Variants in ZBTB40 observed in about 807,000 individuals in gnomAD.
The protein encoded by ZBTB40 is zinc finger and BTB domain containing 40, also known as zinc finger and BTB domain-containing protein 40.
Under a neutral mutation model 117.5 loss-of-function variants are expected in ZBTB40, and 60 were observed. The ratio of observed to expected loss-of-function variants is 0.51; its 90% CI spans 0.41 to 0.63. The LOEUF (loss-of-function observed/expected upper bound fraction) is 0.63. Among genes scored for constraint, ZBTB40 ranks in the 30% least tolerant of loss-of-function variants. The pLI is 0.00. For synonymous variants in ZBTB40, 525 were observed against 577.1 expected (o/e 0.91, Z 1.29); for missense variants, 1,287 against 1,498.5 (o/e 0.86, Z 2.33).
intron 1 of ZBTB40, among the ~76,000 whole-genome samples, chr1:22,456,225 T>C (rs561869879): frequency 1.3e-5 from 2 of 152,210 alleles, no homozygotes; most frequent in South Asian, 2.1e-4. Context: ...TAGCAGAGAG[T>C]GCAGTATTTC....
At position 22,513,872 on chromosome 1, in the gene ZBTB40, G is replaced by A. The variant is rs565481743; in HGVS notation, c.2668+742G>A. 6.6e-6 allele frequency among the ~76,000 whole-genome samples: 1 copy of A among 152,288 alleles called. No individual in the cohort carries two copies. The highest frequency in any genetic ancestry group is 1.9e-4 in the East Asian group (1 of 5,180). ...TTAGGTCTTGTGGAAAAGTCATTGT[G>A]GTTTTTGCCATTAAAAGTTATAGAG... On this transcript the variant is annotated intron_variant, in intron 12 of 17. Coordinates refer to ENST00000375647, the MANE Select transcript of ZBTB40 (RefSeq NM_014870.4). The surrounding 1 kb of genome is among the most constrained non-coding windows in gnomAD (Gnocchi z 4.9).
intron 13 of ZBTB40, among the ~76,000 whole-genome samples, chr1:22,518,917 T>G (rs965542430): frequency 2.0e-5 from 3 of 152,216 alleles, no homozygotes; most frequent in African/African-American, 7.2e-5. Flanking sequence ...CGTTATTAAC[T>G]TTCAGAAGGG....
Position 22,502,409 on chromosome 1 carries a change from A to C in ZBTB40, c.1135A>C (p.Lys379Gln). 1 of 1,614,130 alleles carries C rather than the reference A, an allele frequency of 6.2e-7. No homozygotes were observed. The highest frequency in any genetic ancestry group is 1.1e-5 in the South Asian group (1 of 91,088). ...TATTATGGAGTCCCTGGAAACAGCCAAGGAGGAATTCCTGACTGGCACTGA... is the reference window on the plus strand; with the variant it reads ...TATTATGGAGTCCCTGGAAACAGCCCAGGAGGAATTCCTGACTGGCACTGA... ...RPIMESLETA[K>Q]EEFLTGTEKR... Residue 379 changes from lysine to glutamine, a missense_variant, in exon 5 of 18, where the codon AAG becomes CAG. Lys to Gln is a moderately conservative substitution (Grantham distance 53, BLOSUM62 1). Transcript: ENST00000375647.
intron 3 of ZBTB40, among the ~76,000 whole-genome samples, chr1:22,497,842 C>T (rs1049142463): frequency 2.0e-5 from 3 of 152,160 alleles, no homozygotes; most frequent in African/African-American, 4.8e-5. Context: ...GTAGTAGTAA[C>T]GCCTCCCAGG....
At chr1:22,503,680 T>G (rs1174291324) in intron 5 of ZBTB40, among the ~76,000 whole-genome samples, 1 of 152,240 alleles carries the variant, frequency 6.6e-6, no homozygotes, top group Non-Finnish European at 1.5e-5. Context: ...TTTAATTGTT[T>G]TTAAATTTTT....
At chr1:22,495,763 G>T (rs561118831) in intron 3 of ZBTB40, among the ~76,000 whole-genome samples, 2 of 152,098 alleles carry the variant, frequency 1.3e-5, no homozygotes, top group Non-Finnish European at 2.9e-5. Context: ...CCATCCACCC[G>T]CCTTGGCCTC....
chr1:22,487,045 G>A (rs1002005585), intron 1 of ZBTB40, among the ~76,000 whole-genome samples: 5 of 152,068 alleles, frequency 3.3e-5, no homozygotes, highest in Admixed American at 3.3e-4. Context: ...TGTGTTTTTT[G>A]TTCAATAAGT....
At chr1:22,492,123 T>G (rs921507212) in intron 3 of ZBTB40, among the ~76,000 whole-genome samples, 1 of 152,194 alleles carries the variant, frequency 6.6e-6, no homozygotes, top group Non-Finnish European at 1.5e-5. Flanking sequence ...ATGAGAAAAC[T>G]GTCTCAAAGA....
rs1420219519 is a variant in ZBTB40 at position 22,489,879 on chromosome 1, G to C, written c.-69-1G>C. The C allele has an allele frequency of 6.7e-7, 1 of 1,483,004 alleles. No homozygotes were observed. The highest frequency in any genetic ancestry group is 1.7e-5 in the Admixed American group (1 of 59,812). The allele number at this position is 1,483,004 out of a possible 1,614,324, so 91.9% of individuals were successfully genotyped here. A position where few individuals can be genotyped will look rare whatever the true frequency, so the allele number is the denominator to read the frequency against. ...ACCTGGTATTTTGTGGGTTTCTCTA[G>C]GGCCTGTCCTCCCAAAGCCAACTCT... On this transcript the variant is annotated splice_acceptor_variant, in intron 1 of 17. Coordinates refer to ENST00000375647, the MANE Select transcript of ZBTB40 (RefSeq NM_014870.4). LOFTEE classifies it low-confidence loss of function (5UTR_SPLICE).
At chr1:22,498,143 A>G (rs1638827807) in intron 3 of ZBTB40, among the ~76,000 whole-genome samples, 1 of 152,252 alleles carries the variant, frequency 6.6e-6, no homozygotes. Context: ...ACTCATAGGT[A>G]AAGTATTTAG....
At chr1:22,472,692 T>G (rs143692720) in intron 1 of ZBTB40, among the ~76,000 whole-genome samples, 6 of 152,190 alleles carry the variant, frequency 3.9e-5, no homozygotes, top group Non-Finnish European at 8.8e-5. Context: ...CCAAGATATC[T>G]TCACTGTGTT....
At chr1:22,500,911 T>C (rs1638919267) in intron 3 of ZBTB40, among the ~76,000 whole-genome samples, 1 of 152,222 alleles carries the variant, frequency 6.6e-6, no homozygotes, top group Non-Finnish European at 1.5e-5. Context: ...GTATTCTTTT[T>C]TCCTAAATTG....
intron 1 of ZBTB40, among the ~76,000 whole-genome samples, chr1:22,480,057 C>A (rs980637782): frequency 6.6e-6 from 1 of 152,130 alleles, no homozygotes; most frequent in East Asian, 1.9e-4. Flanking sequence ...CAGGCACCCC[C>A]CCACCACGCC....
intron 1 of ZBTB40, among the ~76,000 whole-genome samples, chr1:22,442,010 A>T (rs537682553): frequency 1.3e-5 from 2 of 151,962 alleles, no homozygotes; most frequent in Non-Finnish European, 2.9e-5. Context: ...TTTCTCTTCT[A>T]ATGTTTTCTT....
chr1:22,438,081 G>A (rs1300491703), intron 1 of ZBTB40, among the ~76,000 whole-genome samples: 1 of 152,006 alleles, frequency 6.6e-6, no homozygotes, highest in East Asian at 1.9e-4. Context: ...AGTGAGCCGA[G>A]ATCGCACCAC....
chr1:22,469,573 A>G (rs1641350059), intron 1 of ZBTB40, among the ~76,000 whole-genome samples: 1 of 151,062 alleles, frequency 6.6e-6, no homozygotes, highest in Admixed American at 6.6e-5. Flanking sequence ...GTTTTTTTTT[A>G]TGAGACGGAG....
chr1:22,455,420 G>A (rs1418155045), intron 1 of ZBTB40, among the ~76,000 whole-genome samples: 1 of 152,192 alleles, frequency 6.6e-6, no homozygotes, highest in Non-Finnish European at 1.5e-5. Flanking sequence ...AAGAAGAACA[G>A]CATGGCAGGT....
chr1:22,487,066 T>C (rs1638491745), intron 1 of ZBTB40, among the ~76,000 whole-genome samples: 1 of 152,164 alleles, frequency 6.6e-6, no homozygotes. Flanking sequence ...TGTGATTCTC[T>C]GTGTCTGCCT....
intron 1 of ZBTB40, among the ~76,000 whole-genome samples, chr1:22,433,432 CAAAAAAAAAAA>C (rs767913519): frequency 5.7e-4 from 5 of 8,764 alleles, no homozygotes; most frequent in Admixed American, 4.7e-3. Context: ...GACGCCCTCT[CAAAAAAAAAAA>C]AAAAAAAAAA....
Sources: gnomAD v4.1 joint callset for allele counts (sites outside exome capture counted in the v4.1 genomes callset) on GRCh38, gnomAD v4.1.1 for gene constraint, Gnocchi (gnomAD v3.1) non-coding constraint, MANE v1.5 for transcripts, NCBI Gene and HGNC (gene_info 2026-07-23, HGNC 2026-07-21) for gene names.